The following STAG1 variants were observed in gnomAD, a reference collection of about 807,000 sequenced individuals.
STAG1 encodes the protein cohesin subunit SA-1.
In STAG1, 26 loss-of-function variants were observed where a neutral mutation model predicts 170.9. That is an observed-to-expected ratio of 0.15 (90% confidence interval 0.11 to 0.21). The LOEUF (loss-of-function observed/expected upper bound fraction) is 0.21, where lower values mean the gene tolerates loss of function less well. STAG1 is among the 10% of genes least tolerant of loss of function. The probability of loss-of-function intolerance (pLI) is 1.00; values close to 1 mark genes in which losing one functional copy is unlikely to be tolerated. For synonymous variants in STAG1, 514 were observed against 497.7 expected (o/e 1.03, Z -0.44); for missense variants, 964 against 1,509.5 (o/e 0.64, Z 5.99).
At chr3:136,725,556 A>C (rs1358057844) in intron 1 of STAG1, among the ~76,000 whole-genome samples, 1 of 152,256 alleles carries the variant, frequency 6.6e-6, no homozygotes, top group Non-Finnish European at 1.5e-5. Context: ...GCAAAGCAAC[A>C]GTAAAGTGAT....
intron 1 of STAG1, among the ~76,000 whole-genome samples, chr3:136,716,245 T>TC (rs781582267): frequency 1.3e-5 from 2 of 151,608 alleles, no homozygotes; most frequent in East Asian, 3.9e-4. Context: ...TCACCTGAGG[T>TC]CAGAAGTTCA....
chr3:136,722,111 T>C (rs1933312967), intron 1 of STAG1, among the ~76,000 whole-genome samples: 1 of 151,286 alleles, frequency 6.6e-6, no homozygotes, highest in Non-Finnish European at 1.5e-5. Flanking sequence ...TGGTAACAGC[T>C]ACTTAGGAGG....
intron 4 of STAG1, among the ~76,000 whole-genome samples, chr3:136,583,648 G>A (rs1045497242): frequency 6.6e-6 from 1 of 152,072 alleles, no homozygotes; most frequent in Non-Finnish European, 1.5e-5. Flanking sequence ...AATTAGCCAG[G>A]TGTGGTGGTG....
At chr3:136,353,539 A>C (rs915105625) in intron 28 of STAG1, among the ~76,000 whole-genome samples, 6 of 152,260 alleles carry the variant, frequency 3.9e-5, no homozygotes, top group African/African-American at 1.4e-4. Flanking sequence ...CTCACAATGG[A>C]GGCCAGAAGG....
chr3:136,692,921 T>C (rs965262050), intron 1 of STAG1, among the ~76,000 whole-genome samples: 2 of 152,204 alleles, frequency 1.3e-5, no homozygotes, highest in Non-Finnish European at 2.9e-5. Flanking sequence ...GATGATGATG[T>C]GGCCCATAAA....
At chr3:136,482,080 A>G (rs1401302443) in intron 9 of STAG1, among the ~76,000 whole-genome samples, 5 of 18,862 alleles carry the variant, frequency 2.7e-4, no homozygotes, top group Non-Finnish European at 4.2e-4. Context: ...TATTTCCTTC[A>G]GTTCTGCTCT....
intron 7 of STAG1, among the ~76,000 whole-genome samples, chr3:136,515,649 G>T (rs1934335110): frequency 6.6e-6 from 1 of 152,022 alleles, no homozygotes; most frequent in South Asian, 2.1e-4. Flanking sequence ...ACAAAAACTG[G>T]CTGCCAAAAG....
intron 1 of STAG1, among the ~76,000 whole-genome samples, chr3:136,677,006 C>A (rs1942146709): frequency 6.6e-6 from 1 of 152,044 alleles, no homozygotes; most frequent in Admixed American, 6.6e-5. Context: ...ACAGTAACAC[C>A]CATGAAGCTG....
chr3:136,504,257 A>G (rs1933642907), intron 7 of STAG1, among the ~76,000 whole-genome samples: 1 of 152,208 alleles, frequency 6.6e-6, no homozygotes, highest in Non-Finnish European at 1.5e-5. Flanking sequence ...TCCTGAAAAA[A>G]CAAACGTGTT....
intron 9 of STAG1, among the ~76,000 whole-genome samples, chr3:136,484,970 A>T (rs958310409): frequency 1.3e-5 from 2 of 152,054 alleles, no homozygotes; most frequent in African/African-American, 4.8e-5. Context: ...GCCTGTGCCC[A>T]CTGTCTGGCA....
intron 1 of STAG1, among the ~76,000 whole-genome samples, chr3:136,677,546 T>C (rs1315240965): frequency 1.3e-5 from 2 of 152,158 alleles, no homozygotes; most frequent in African/African-American, 4.8e-5. Context: ...TGTGAAATTA[T>C]TAAGAGGTGG....
intron 9 of STAG1, 97 bp from the exon 10 acceptor site, chr3:136,477,509 T>TG: frequency 8.9e-7 from 1 of 1,125,030 alleles, no homozygotes; most frequent in South Asian, 2.3e-5. Context: ...CTAATGCTGT[T>TG]TGTATATATT....
chr3:136,405,457 G>C (rs1043617206), intron 21 of STAG1, among the ~76,000 whole-genome samples: 1 of 151,666 alleles, frequency 6.6e-6, no homozygotes, highest in African/African-American at 2.4e-5. Context: ...GGCCAGGCTG[G>C]TCTCAAACTC....
chr3:136,626,795 C>T (rs1940118865), intron 2 of STAG1, among the ~76,000 whole-genome samples: 1 of 152,102 alleles, frequency 6.6e-6, no homozygotes, highest in Non-Finnish European at 1.5e-5. Flanking sequence ...TGTTATCTTC[C>T]TGATTTTATG....
chr3:136,460,916 C>T (rs2089255995), intron 13 of STAG1, among the ~76,000 whole-genome samples: 1 of 152,130 alleles, frequency 6.6e-6, no homozygotes, highest in Admixed American at 6.6e-5. Context: ...CCCTAGTAAA[C>T]ATGCATGTAA....
chr3:136,450,949 A>C (rs926823552), intron 14 of STAG1, among the ~76,000 whole-genome samples: 1 of 152,042 alleles, frequency 6.6e-6, no homozygotes, highest in African/African-American at 2.4e-5. Flanking sequence ...GACTTTTGCT[A>C]TATTAGCCAG....
At chr3:136,539,200 G>C (rs1465214810) in intron 6 of STAG1, among the ~76,000 whole-genome samples, 3 of 151,876 alleles carry the variant, frequency 2.0e-5, no homozygotes, top group Non-Finnish European at 4.4e-5. Flanking sequence ...TTTAACTTGG[G>C]ACTGGAGATA....
chr3:136,703,450 TA>T (rs1943136473), intron 1 of STAG1, among the ~76,000 whole-genome samples: 2 of 152,200 alleles, frequency 1.3e-5, no homozygotes, highest in African/African-American at 4.8e-5. Context: ...GGTGGATCAC[TA>T]AGGGACCTGC....
intron 28 of STAG1, 47 bp downstream of exon 28, chr3:136,357,673 C>CATAA: frequency 6.8e-7 from 1 of 1,479,394 alleles, no homozygotes; most frequent in South Asian, 1.3e-5. Flanking sequence ...TAAACATTTA[C>CATAA]AACAGTATTA....
Sources: allele counts gnomAD v4.1 joint callset (sites outside exome capture counted in the v4.1 genomes callset), GRCh38; gene constraint gnomAD v4.1.1; transcripts MANE v1.5; gene names NCBI Gene and HGNC (gene_info 2026-07-23, HGNC 2026-07-21).